Variants in PLCH1 observed in about 807,000 individuals in gnomAD.
PLCH1 encodes the protein 1-phosphatidylinositol 4,5-bisphosphate phosphodiesterase eta-1.
A neutral mutation model predicts 126.7 loss-of-function variants in PLCH1; 60 were observed. The ratio of observed to expected loss-of-function variants is 0.47; its 90% CI spans 0.38 to 0.59. PLCH1 has a LOEUF of 0.59. Ranked by LOEUF, PLCH1 falls within the 20% of genes least tolerant of loss-of-function variation. PLCH1 has a pLI of 0.00. For synonymous variants in PLCH1, 719 were observed against 734.9 expected (o/e 0.98, Z 0.35); for missense variants, 1,723 against 2,040.0 (o/e 0.84, Z 2.99).
chr3:155,469,830 C>T (rs931474274), intron 21 of PLCH1, among the ~76,000 whole-genome samples: 5 of 152,130 alleles, frequency 3.3e-5, no homozygotes, highest in South Asian at 2.1e-4. Flanking sequence ...ACACCTCACA[C>T]GGCAGGGTAT....
intron 2 of PLCH1, among the ~76,000 whole-genome samples, chr3:155,684,510 TA>T (rs1433760232): frequency 6.6e-6 from 1 of 152,054 alleles, no homozygotes; most frequent in African/African-American, 2.4e-5. Flanking sequence ...GGGATGGCCA[TA>T]AACTCCTGAA....
At chr3:155,651,562 A>T (rs1049136217) in intron 2 of PLCH1, among the ~76,000 whole-genome samples, 1 of 152,222 alleles carries the variant, frequency 6.6e-6, no homozygotes, top group Admixed American at 6.5e-5. Flanking sequence ...GGATGGGCAT[A>T]GATTAATATT....
intron 6 of PLCH1, among the ~76,000 whole-genome samples, chr3:155,569,276 C>T (rs1728908425): frequency 6.6e-6 from 1 of 152,108 alleles, no homozygotes; most frequent in Non-Finnish European, 1.5e-5. Context: ...ATAGAGGAAG[C>T]TAATTTTGTG....
At chr3:155,631,161 T>C (rs1394628050) in intron 2 of PLCH1, among the ~76,000 whole-genome samples, 1 of 152,136 alleles carries the variant, frequency 6.6e-6, no homozygotes, top group African/African-American at 2.4e-5. Context: ...GGGAACAAAA[T>C]TCTCGGTATT....
intron 21 of PLCH1, among the ~76,000 whole-genome samples, chr3:155,453,290 A>G (rs1712355253): frequency 6.6e-6 from 1 of 152,208 alleles, no homozygotes; most frequent in African/African-American, 2.4e-5. Flanking sequence ...CTAGGCCAGA[A>G]AAAGGATATT....
At chr3:155,656,911 T>A (rs1343232152) in intron 2 of PLCH1, among the ~76,000 whole-genome samples, 1 of 151,968 alleles carries the variant, frequency 6.6e-6, no homozygotes, top group Non-Finnish European at 1.5e-5. Flanking sequence ...TAATCAAAGA[T>A]AAAAATTTTA....
intron 2 of PLCH1, chr3:155,676,185 TGCCC>T: frequency 7.6e-7 from 1 of 1,323,294 alleles, no homozygotes; most frequent in Non-Finnish European, 9.7e-7. Flanking sequence ...TGGCTCATGC[TGCCC>T]TTTATGGCAT....
chr3:155,470,650 GA>G (rs1221175153), intron 21 of PLCH1, among the ~76,000 whole-genome samples: 1 of 152,042 alleles, frequency 6.6e-6, no homozygotes, highest in Non-Finnish European at 1.5e-5. Flanking sequence ...TCAAATGAAG[GA>G]AAAAATGTTA....
At chr3:155,488,507 C>T (rs1397033049) in intron 20 of PLCH1, among the ~76,000 whole-genome samples, 153 bp downstream of exon 20, 1 of 152,060 alleles carries the variant, frequency 6.6e-6, no homozygotes, top group African/African-American at 2.4e-5. Context: ...CAACTATACT[C>T]CTTTACATTT....
Position 155,549,881 on chromosome 3 carries a change from A to C in PLCH1, c.1268T>G (p.Ile423Arg). The change falls in exon 10 of 23, where the codon ATA becomes AGA. Residue 423 changes from isoleucine to arginine, a missense_variant. Physicochemically the swap from Ile to Arg is moderately conservative, Grantham distance 97. Around this residue, in one of 2 missense-constraint regions of PLCH1, gnomAD observed 776 missense variants for 1,062.9 expected, o/e 0.73. Transcript: ENST00000460012. ...QRKIAQYLKG[I>R]FGDKLDLSSV... is the part of the protein sequence containing the mutation. ...TGACAGGTCCAGTTTGTCTCCGAAT[A>C]TTCCTTTCAGGTACTGAGCAATCTT... 6.2e-7 allele frequency: 1 copy of C among 1,613,648 alleles called. No homozygotes were observed. The highest frequency in any genetic ancestry group is 8.5e-7 in the Non-Finnish European group (1 of 1,179,588).
intron 21 of PLCH1, among the ~76,000 whole-genome samples, chr3:155,470,301 C>A (rs546731021): frequency 6.6e-6 from 1 of 152,002 alleles, no homozygotes; most frequent in Non-Finnish European, 1.5e-5. Context: ...GGAGCCGATG[C>A]GATCAACTGG....
intron 2 of PLCH1, among the ~76,000 whole-genome samples, chr3:155,679,391 A>G (rs888476179): frequency 2.6e-5 from 4 of 152,194 alleles, no homozygotes; most frequent in Non-Finnish European, 5.9e-5. Flanking sequence ...TACCTACCTC[A>G]GAGGGCACTG....
intron 2 of PLCH1, among the ~76,000 whole-genome samples, chr3:155,689,036 A>C (rs576339206): frequency 8.5e-5 from 13 of 152,268 alleles, no homozygotes; most frequent in Admixed American, 1.3e-4. Context: ...TTCAGGTCTC[A>C]CCCAGCACAG....
intron 2 of PLCH1, among the ~76,000 whole-genome samples, chr3:155,607,381 A>AT (rs1457818095): frequency 6.6e-6 from 1 of 152,232 alleles, no homozygotes; most frequent in African/African-American, 2.4e-5. Flanking sequence ...TGTCAAAAAA[A>AT]TAAAAAAACA....
At chr3:155,665,974 A>C (rs1742677403) in intron 2 of PLCH1, among the ~76,000 whole-genome samples, 1 of 152,246 alleles carries the variant, frequency 6.6e-6, no homozygotes, top group Admixed American at 6.5e-5. Flanking sequence ...GCATCTTCTC[A>C]TATCAATCAC....
intron 19 of PLCH1, among the ~76,000 whole-genome samples, chr3:155,489,997 T>G (rs1471233837): frequency 6.6e-6 from 1 of 152,194 alleles, no homozygotes; most frequent in East Asian, 1.9e-4. Flanking sequence ...CTATTGAACA[T>G]CGGTGGGAAA....
At chr3:155,491,375 C>T (rs1716169988) in intron 18 of PLCH1, among the ~76,000 whole-genome samples, 2 of 152,092 alleles carry the variant, frequency 1.3e-5, no homozygotes, top group South Asian at 4.1e-4. Context: ...GCCATCCTCC[C>T]ACCTCAGCCT....
At chr3:155,731,345 A>G (rs944290901) in intron 1 of PLCH1, among the ~76,000 whole-genome samples, 8 of 152,166 alleles carry the variant, frequency 5.3e-5, no homozygotes, top group African/African-American at 1.4e-4. Flanking sequence ...CTCAAGTCCA[A>G]TTCCCACAAA....
At chr3:155,497,269 A>T (rs745599023) in intron 15 of PLCH1, 51 bp downstream of exon 15, 1 of 1,225,000 alleles carries the variant, frequency 8.2e-7, no homozygotes, top group Non-Finnish European at 1.2e-6. Context: ...TTGAAAAAGA[A>T]AGGTCAAGAA....
Sources: gnomAD v4.1 joint callset for allele counts (sites outside exome capture counted in the v4.1 genomes callset) on GRCh38, gnomAD v4.1.1 for gene constraint, gnomAD v4.1.1 regional missense constraint, MANE v1.5 for transcripts, NCBI Gene and HGNC (gene_info 2026-07-23, HGNC 2026-07-21) for gene names.